Variants in ROR2 observed in about 807,000 individuals in gnomAD.
The protein encoded by ROR2 is ROR family WNT receptor 2, also known as tyrosine-protein kinase transmembrane receptor ROR2.
In ROR2, 33 loss-of-function variants were observed where a neutral mutation model predicts 74.9. The ratio of observed to expected loss-of-function variants is 0.44; its 90% CI spans 0.33 to 0.59. The LOEUF (loss-of-function observed/expected upper bound fraction) is 0.59, where lower values mean the gene tolerates loss of function less well. ROR2 is among the 20% of genes least tolerant of loss of function. The pLI is 0.02. For synonymous variants in ROR2, 586 were observed against 558.7 expected (o/e 1.05, Z -0.69); for missense variants, 1,216 against 1,313.8 (o/e 0.93, Z 1.15).
intron 1 of ROR2, among the ~76,000 whole-genome samples, chr9:91,912,603 G>T (rs1268960147): frequency 6.6e-6 from 1 of 151,982 alleles, no homozygotes; most frequent in East Asian, 1.9e-4. Context: ...CAAAGTCAAA[G>T]CAAAAATCTC....
At chr9:91,744,080 T>C (rs1336972693) in intron 4 of ROR2, among the ~76,000 whole-genome samples, 2 of 152,180 alleles carry the variant, frequency 1.3e-5, no homozygotes, top group Non-Finnish European at 2.9e-5. Flanking sequence ...AGGCCAGACA[T>C]AAGAGTCTCC....
At chr9:91,885,146 C>G (rs1000889913) in intron 1 of ROR2, among the ~76,000 whole-genome samples, 2 of 152,198 alleles carry the variant, frequency 1.3e-5, no homozygotes, top group African/African-American at 4.8e-5. Context: ...AAGGCATGAG[C>G]CTCTGCATCC....
chr9:91,786,194 G>T (rs1826794814), intron 1 of ROR2, among the ~76,000 whole-genome samples: 1 of 148,574 alleles, frequency 6.7e-6, no homozygotes, highest in Middle Eastern at 3.4e-3. Flanking sequence ...AGGTATGGTG[G>T]TGTGCATTTG....
In ROR2 at chr9:91,950,097, C is replaced by T; in HGVS notation, c.-134G>A. On this transcript the variant is annotated 5_prime_UTR_variant, in exon 1 of 9. Transcript: ENST00000375708. ...TTCGCAAACGGGTCCACTTCGAGGA[C>T]CTCGTCGTCGTCCTCTTCTCCGGCC... 1 of 450,948 alleles carries T rather than the reference C, an allele frequency of 2.2e-6. No homozygotes were observed. The allele number at this position is 450,948 out of a possible 1,614,324, so 27.9% of individuals were successfully genotyped here.
chr9:91,832,685 G>A lies in ROR2; in HGVS notation c.98-56867C>T, dbSNP rs1189830805. Among the ~76,000 whole-genome samples the A allele has an allele frequency of 2.0e-5, 3 of 152,170 alleles. No individual in the cohort carries two copies. The South Asian group carries it at 6.2e-4, about 31-fold the overall frequency. On this transcript the variant is annotated intron_variant, in intron 1 of 8. Transcript: ENST00000375708. Reference sequence around the variant, plus strand: ...ACCCTTCCCTGTGGTCGGCCCCATGGATTTCAAATGCGCCTGGTCAGACCC... The same window carrying A: ...ACCCTTCCCTGTGGTCGGCCCCATGAATTTCAAATGCGCCTGGTCAGACCC...
chr9:91,749,302 C>T (rs72744474), intron 4 of ROR2, among the ~76,000 whole-genome samples: 10,692 of 152,238 alleles, frequency 0.07, 488 homozygotes, highest in African/African-American at 0.13. Context: ...TATTTTCTCA[C>T]ACTCTGGAGG....
At chr9:91,755,126 G>C (rs543362004) in intron 4 of ROR2, among the ~76,000 whole-genome samples, 1 of 152,092 alleles carries the variant, frequency 6.6e-6, no homozygotes, top group African/African-American at 2.4e-5. Flanking sequence ...CTGCACTCCA[G>C]TCTGGGTGAA....
At position 91,722,728 on chromosome 9, in the gene ROR2, T is replaced by C; in HGVS notation, c.*934A>G. ...GGGGCTGTAAAATGAATGGACCTCA[T>C]GTGCACGTGGTACAGAGAGAAGCAA... is the stretch of plus-strand genomic sequence containing the variant. On this transcript the variant is annotated 3_prime_UTR_variant, in exon 9 of 9. Transcript: ENST00000375708. 2 of 696,154 alleles carry C rather than the reference T, an allele frequency of 2.9e-6. No individual in the cohort carries two copies. The highest frequency in any genetic ancestry group is 1.7e-5 in the African/African-American group (1 of 57,910). The allele number at this position is 696,154 out of a possible 1,614,324, so 43.1% of individuals were successfully genotyped here. A position where few individuals can be genotyped will look rare whatever the true frequency, so the allele number is the denominator to read the frequency against.
intron 1 of ROR2, among the ~76,000 whole-genome samples, chr9:91,830,802 CTGTGTCCGTGTGTGTG>C (rs1828441927): frequency 7.5e-6 from 1 of 134,084 alleles, no homozygotes; most frequent in East Asian, 2.2e-4. Flanking sequence ...AACTAAATAA[CTGTGTCCGTGTGTGTG>C]TGTGTGTGTG....
intron 1 of ROR2, among the ~76,000 whole-genome samples, chr9:91,933,013 CAT>C (rs752863549): frequency 2.6e-5 from 4 of 152,170 alleles, no homozygotes; most frequent in Non-Finnish European, 5.9e-5. Context: ...AAAGTTTAAA[CAT>C]AGGCCAAGCA....
At chr9:91,898,797 C>T (rs1003525751) in intron 1 of ROR2, among the ~76,000 whole-genome samples, 1 of 152,342 alleles carries the variant, frequency 6.6e-6, no homozygotes, top group Non-Finnish European at 1.5e-5. Flanking sequence ...CAGAAGGAGA[C>T]GCAGCACAGA....
chr9:91,897,711 A>T (rs1830570887), intron 1 of ROR2, among the ~76,000 whole-genome samples: 1 of 152,098 alleles, frequency 6.6e-6, no homozygotes, highest in Non-Finnish European at 1.5e-5. Context: ...GGGCCTGGGG[A>T]GGCTGCCTCA....
chr9:91,943,052 C>G (rs1831920088), intron 1 of ROR2, among the ~76,000 whole-genome samples: 1 of 152,182 alleles, frequency 6.6e-6, no homozygotes, highest in Non-Finnish European at 1.5e-5. Context: ...ATAATCCATG[C>G]TTGTCTTTAT....
At chr9:91,850,154 CA>C (rs1242555742) in intron 1 of ROR2, among the ~76,000 whole-genome samples, 6 of 152,224 alleles carry the variant, frequency 3.9e-5, no homozygotes, top group Admixed American at 2.0e-4. Context: ...GACTGTCCTC[CA>C]AAGTGGATGT....
chr9:91,862,867 A>C (rs1487880780), intron 1 of ROR2, among the ~76,000 whole-genome samples: 3 of 152,224 alleles, frequency 2.0e-5, no homozygotes, highest in African/African-American at 7.2e-5. Context: ...ACTAATCCAA[A>C]CACAACTAAA....
At chr9:91,819,400 C>T (rs115605982) in intron 1 of ROR2, among the ~76,000 whole-genome samples, 2,683 of 152,178 alleles carry the variant, frequency 0.018, 82 homozygotes, top group African/African-American at 0.06. Context: ...CACGTGTCTA[C>T]GTGTGTGTCT....
chr9:91,793,761 C>CAA (rs58120050), intron 1 of ROR2, among the ~76,000 whole-genome samples: 2,368 of 81,990 alleles, frequency 0.029, 70 homozygotes, highest in African/African-American at 0.074. Flanking sequence ...GACTCCGTTT[C>CAA]AAAAAAAAAA....
chr9:91,745,125 T>TTA (rs201127588), intron 4 of ROR2, among the ~76,000 whole-genome samples: 29 of 151,028 alleles, frequency 1.9e-4, no homozygotes, highest in African/African-American at 4.4e-4. Flanking sequence ...ATTAATTATA[T>TTA]TATATATATA....
At chr9:91,766,073 C>T (rs1013058661) in intron 2 of ROR2, among the ~76,000 whole-genome samples, 3 of 152,160 alleles carry the variant, frequency 2.0e-5, no homozygotes, top group African/African-American at 4.8e-5. Context: ...TTTATGTTCC[C>T]GAGCCTATTC....
Sources: gnomAD v4.1 joint callset for allele counts (sites outside exome capture counted in the v4.1 genomes callset) on GRCh38, gnomAD v4.1.1 for gene constraint, MANE v1.5 for transcripts, NCBI Gene and HGNC (gene_info 2026-07-23, HGNC 2026-07-21) for gene names.